Variants in PCSK2 observed in about 807,000 individuals in gnomAD.
PCSK2 encodes the protein proprotein convertase subtilisin/kexin type 2, also known as neuroendocrine convertase 2.
In PCSK2, 14 loss-of-function variants were observed where a neutral mutation model predicts 69.7. The ratio of observed to expected loss-of-function variants is 0.20; its 90% CI spans 0.13 to 0.31. The LOEUF (loss-of-function observed/expected upper bound fraction) is 0.31. Ranked by LOEUF, PCSK2 falls within the 10% of genes least tolerant of loss-of-function variation. The pLI is 1.00. For missense variants in PCSK2, 544 were observed against 842.5 expected (o/e 0.65, Z 4.39); for synonymous variants, 307 against 320.7 (o/e 0.96, Z 0.46).
In PCSK2 at chr20:17,481,787, C is replaced by T. The variant is rs1456211167; in HGVS notation, c.1634C>T (p.Ser545Phe). The T allele has an allele frequency of 1.9e-6, 3 of 1,614,014 alleles. No homozygotes were observed. The highest frequency in any genetic ancestry group is 2.5e-6 in the Non-Finnish European group (3 of 1,180,032). The change falls in exon 12 of 12, where the codon TCC becomes TTC. Residue 545 changes from serine (S) to phenylalanine (F), a missense_variant. Coordinates refer to ENST00000262545, the MANE Select transcript of PCSK2 (RefSeq NM_002594.5). ...AGCCGGCGTCCAAGGGATGACGACT[C>T]CAAGGTGGGCTTTGACAAGTGGCCT... is the stretch of plus-strand genomic sequence containing the variant. The part of the protein sequence containing the change: ...LLSRRPRDDD[S>F]KVGFDKWPFM...
At chr20:17,309,778 A>G (rs192997959) in intron 2 of PCSK2, among the ~76,000 whole-genome samples, 3 of 152,090 alleles carry the variant, frequency 2.0e-5, no homozygotes, top group Non-Finnish European at 4.4e-5. Context: ...ATATCATGCC[A>G]CTATACTCCA....
At chr20:17,272,966 C>G (rs1372220749) in intron 2 of PCSK2, among the ~76,000 whole-genome samples, 1 of 152,082 alleles carries the variant, frequency 6.6e-6, no homozygotes, top group Non-Finnish European at 1.5e-5. Flanking sequence ...GTTTTCAATC[C>G]AGTCCCTTGA....
At chr20:17,405,962 G>A (rs1236460161) in intron 5 of PCSK2, among the ~76,000 whole-genome samples, 1 of 152,126 alleles carries the variant, frequency 6.6e-6, no homozygotes, top group Non-Finnish European at 1.5e-5. Flanking sequence ...TCTCGATCCT[G>A]AATCATCAGA....
intron 2 of PCSK2, among the ~76,000 whole-genome samples, chr20:17,284,914 TG>T (rs1170958201): frequency 4.6e-5 from 7 of 152,160 alleles, no homozygotes; most frequent in African/African-American, 1.7e-4. Context: ...CATTACTCTG[TG>T]GGGGGTTTCA....
intron 5 of PCSK2, among the ~76,000 whole-genome samples, chr20:17,391,912 G>GGAAGGAAGGAAGGAAGGAAGGAAA (rs1340162058): frequency 7.7e-4 from 87 of 113,394 alleles, no homozygotes; most frequent in African/African-American, 2.4e-3. Context: ...GAGAGAGGAA[G>GGAAGGAAGGAAGGAAGGAAGGAAA]GAAGGAAGGA....
intron 2 of PCSK2, among the ~76,000 whole-genome samples, chr20:17,317,614 C>T (rs563896860): frequency 5.9e-5 from 9 of 152,306 alleles, no homozygotes; most frequent in Admixed American, 5.9e-4. Flanking sequence ...TACAACTCCC[C>T]CAATCCCTCC....
At chr20:17,280,865 C>T (rs548199095) in intron 2 of PCSK2, among the ~76,000 whole-genome samples, 2 of 152,308 alleles carry the variant, frequency 1.3e-5, no homozygotes, top group South Asian at 4.2e-4. Flanking sequence ...TGTGGAGGCC[C>T]GTATCTGCTG....
chr20:17,318,498 T>C (rs1568600756), intron 2 of PCSK2, among the ~76,000 whole-genome samples: 1 of 152,238 alleles, frequency 6.6e-6, no homozygotes, highest in African/African-American at 2.4e-5. Context: ...AAAGGCAAAA[T>C]GCATTCTGCA....
intron 2 of PCSK2, among the ~76,000 whole-genome samples, chr20:17,295,272 G>C (rs973608518): frequency 1.3e-5 from 2 of 151,454 alleles, no homozygotes; most frequent in African/African-American, 2.4e-5. Context: ...ATGCATGCCA[G>C]ATATTGTTTT....
chr20:17,233,185 GCA>G lies in PCSK2; in HGVS notation c.177+5705_177+5706del, dbSNP rs1464576333. On this transcript the variant is annotated intron_variant, in intron 1 of 11. Coordinates refer to ENST00000262545, the MANE Select transcript of PCSK2 (RefSeq NM_002594.5). Reference sequence around the variant, plus strand: ...AGATGACAGGATTTGGAATCAGATAGCACTGGAAACTTGGCTAGGTTACTAAA... The same window carrying G: ...AGATGACAGGATTTGGAATCAGATAGCTGGAAACTTGGCTAGGTTACTAAA... Among the ~76,000 whole-genome samples the G allele has an allele frequency of 1.1e-4, 16 of 152,316 alleles. No homozygotes were observed. In the East Asian group the frequency reaches 3.1e-3, roughly 29 times the overall value.
chr20:17,227,520 C>A, intron 1 of PCSK2, 38 bp downstream of exon 1: 2 of 1,492,876 alleles, frequency 1.3e-6, no homozygotes, highest in Non-Finnish European at 1.9e-6. Flanking sequence ...TGTTTCAAAA[C>A]GGGGGGACGG....
intron 2 of PCSK2, among the ~76,000 whole-genome samples, chr20:17,305,059 A>G (rs1989285196): frequency 6.6e-6 from 1 of 152,034 alleles, no homozygotes; most frequent in East Asian, 1.9e-4. Context: ...TTTGTTTCCT[A>G]CAGGTTGAGA....
At chr20:17,303,106 C>T (rs189112090) in intron 2 of PCSK2, among the ~76,000 whole-genome samples, 1 of 149,580 alleles carries the variant, frequency 6.7e-6, no homozygotes, top group Admixed American at 6.7e-5. Context: ...TGTCAAGTTG[C>T]TTTTTCCTAT....
At chr20:17,236,694 T>C (rs1986352382) in intron 1 of PCSK2, among the ~76,000 whole-genome samples, 2 of 152,180 alleles carry the variant, frequency 1.3e-5, no homozygotes, top group African/African-American at 4.8e-5. Flanking sequence ...TTTTTATTCA[T>C]CTTTTGAGTA....
chr20:17,230,653 A>G (rs1204705492), intron 1 of PCSK2, among the ~76,000 whole-genome samples: 1 of 152,084 alleles, frequency 6.6e-6, no homozygotes, highest in Non-Finnish European at 1.5e-5. Flanking sequence ...TCATTAGCTA[A>G]TGGGTACGTG....
chr20:17,288,252 A>G (rs564118768), intron 2 of PCSK2, among the ~76,000 whole-genome samples: 28 of 152,176 alleles, frequency 1.8e-4, no homozygotes, highest in Non-Finnish European at 3.5e-4. Flanking sequence ...CTGCTACCCT[A>G]GGGCACATGA....
In PCSK2 at chr20:17,279,991, CA is replaced by C. The variant is rs5840762; in HGVS notation, c.282+19659del. Among the ~76,000 whole-genome samples the C allele has an allele frequency of 8.6e-3, 1,102 of 128,318 alleles. 6 individuals are homozygous for C. The highest frequency in any genetic ancestry group is 0.025 in the Middle Eastern group (6 of 244). 84.2% of individuals were successfully genotyped at this position (128,318 alleles called of 152,430 possible). A position where few individuals can be genotyped will look rare whatever the true frequency, so the allele number is the denominator to read the frequency against. On this transcript the variant is annotated intron_variant, in intron 2 of 11. Transcript: ENST00000262545. ...TAAACATCCAAACAAATGTAGAAGA[CA>C]AAAAAAAAAAACACACTTGTTCCAA...
At chr20:17,365,942 C>T (rs1196553809) in intron 4 of PCSK2, among the ~76,000 whole-genome samples, 1 of 152,180 alleles carries the variant, frequency 6.6e-6, no homozygotes, top group East Asian at 1.9e-4. Context: ...GGTGGAGTCT[C>T]ATGCCTGCCA....
intron 1 of PCSK2, among the ~76,000 whole-genome samples, chr20:17,230,240 C>T (rs1439258325): frequency 6.6e-6 from 1 of 152,054 alleles, no homozygotes; most frequent in African/African-American, 2.4e-5. Flanking sequence ...TGCTCCGAGG[C>T]TCAGTGTCAG....
Sources: gnomAD v4.1 joint callset for allele counts (sites outside exome capture counted in the v4.1 genomes callset) on GRCh38, gnomAD v4.1.1 for gene constraint, MANE v1.5 for transcripts, NCBI Gene and HGNC (gene_info 2026-07-23, HGNC 2026-07-21) for gene names.